Variants in CCNY observed in about 807,000 individuals in gnomAD.
CCNY encodes cyclin-Y.
In CCNY, 19 loss-of-function variants were observed where a neutral mutation model predicts 42.8. The observed-to-expected ratio is 0.44, with a 90% confidence interval of 0.31 to 0.65. CCNY has a LOEUF of 0.65. Ranked by LOEUF, CCNY falls within the 30% of genes least tolerant of loss-of-function variation. The pLI, the probability that CCNY is intolerant of heterozygous loss-of-function variation, is 0.07. For missense variants in CCNY, 370 were observed against 437.3 expected (o/e 0.85, Z 1.37); for synonymous variants, 165 against 162.7 (o/e 1.01, Z -0.11).
intron 3 of CCNY, among the ~76,000 whole-genome samples, chr10:35,309,116 G>C (rs1046173317): frequency 5.3e-5 from 8 of 152,200 alleles, no homozygotes; most frequent in Non-Finnish European, 1.0e-4. Context: ...AAAGATTTGA[G>C]AATCAGCCAT....
chr10:35,333,982 C>T (rs2295417), upstream of CCNY, among the ~76,000 whole-genome samples: 43,238 of 146,770 alleles, frequency 0.29, 6,476 homozygotes, highest in Admixed American at 0.37. Flanking sequence ...AAATTAAAGT[C>T]CAAACAGGTA....
chr10:35,406,241 A>AT (rs1554785130), intron 1 of CCNY, among the ~76,000 whole-genome samples: 1 of 96,616 alleles, frequency 1.0e-5, no homozygotes, highest in Non-Finnish European at 2.2e-5. Context: ...TTATTTATTT[A>AT]TTTTTTTATT....
At chr10:35,445,474 G>A (rs976025242) in intron 1 of CCNY, among the ~76,000 whole-genome samples, 19 of 152,200 alleles carry the variant, frequency 1.2e-4, no homozygotes, top group Non-Finnish European at 1.9e-4. Context: ...AGTGGAGTCC[G>A]CATTTCTGCC....
intron 1 of CCNY, among the ~76,000 whole-genome samples, chr10:35,477,548 C>A (rs1469927036): frequency 6.6e-6 from 1 of 152,008 alleles, no homozygotes; most frequent in Non-Finnish European, 1.5e-5. Flanking sequence ...ACGTGATTAT[C>A]TCAATAGATG....
chr10:35,279,856 T>C (rs1477971058), intron 3 of CCNY, among the ~76,000 whole-genome samples: 4 of 152,110 alleles, frequency 2.6e-5, no homozygotes, highest in Non-Finnish European at 5.9e-5. Context: ...CACATAGAGG[T>C]CTTTAGCTAA....
chr10:35,254,726 G>T (rs1305857620), intron 3 of CCNY, among the ~76,000 whole-genome samples: 1 of 151,124 alleles, frequency 6.6e-6, no homozygotes, highest in Non-Finnish European at 1.5e-5. Flanking sequence ...TACTCGGGAG[G>T]TTGATGTGGG....
At chr10:35,282,446 G>A (rs1835308576) in intron 3 of CCNY, among the ~76,000 whole-genome samples, 1 of 151,802 alleles carries the variant, frequency 6.6e-6, no homozygotes, top group Non-Finnish European at 1.5e-5. Flanking sequence ...AATCTGAACA[G>A]GCCAGGCACG....
intron 3 of CCNY, among the ~76,000 whole-genome samples, chr10:35,284,394 C>T (rs866113330): frequency 6.6e-6 from 1 of 152,118 alleles, no homozygotes; most frequent in East Asian, 1.9e-4. Flanking sequence ...TTCCTCCTGC[C>T]GTGCCTGAAG....
At chr10:35,473,964 C>T (rs574353605) in intron 1 of CCNY, among the ~76,000 whole-genome samples, 5 of 152,246 alleles carry the variant, frequency 3.3e-5, no homozygotes, top group Admixed American at 6.5e-5. Context: ...CGAAGCAGGG[C>T]GAGGCATTGC....
At position 35,509,648 on chromosome 10, in the gene CCNY, T is replaced by A. The variant is rs535826256; in HGVS notation, c.265-6875T>A. Among the ~76,000 whole-genome samples the A allele has an allele frequency of 2.0e-5, 3 of 152,304 alleles. No homozygotes were observed. The South Asian group carries it at 6.2e-4, about 32-fold the overall frequency. On this transcript the variant is annotated intron_variant, in intron 3 of 9. Coordinates refer to ENST00000374704, the MANE Select transcript of CCNY (RefSeq NM_145012.6). ...AGGTCAGAGAGGAAGATTTTTTTCT[T>A]ATTTTGCTTTTTGTCTTTGTGTCTC...
At chr10:35,469,101 C>G (rs1455931529) in intron 1 of CCNY, among the ~76,000 whole-genome samples, 1 of 152,228 alleles carries the variant, frequency 6.6e-6, no homozygotes, top group Non-Finnish European at 1.5e-5. Flanking sequence ...TGCCAGATCA[C>G]TGGTGTGAAC....
intron 1 of CCNY, among the ~76,000 whole-genome samples, chr10:35,368,746 C>A (rs144668000): frequency 6.6e-6 from 1 of 152,174 alleles, no homozygotes; most frequent in African/African-American, 2.4e-5. Flanking sequence ...GAGTGCCCTT[C>A]CAACTTGGGA....
intron 1 of CCNY, among the ~76,000 whole-genome samples, chr10:35,344,750 G>A (rs1019326322): frequency 6.6e-6 from 1 of 151,378 alleles, no homozygotes; most frequent in African/African-American, 2.4e-5. Flanking sequence ...AACAGGCCCC[G>A]GTGTGTGATG....
At chr10:35,440,715 A>AGGAC (rs2135294839) in intron 1 of CCNY, among the ~76,000 whole-genome samples, 1 of 152,344 alleles carries the variant, frequency 6.6e-6, no homozygotes, top group South Asian at 2.1e-4. Context: ...GGCAGCAGAA[A>AGGAC]GGACGGAGCC....
intron 1 of CCNY, among the ~76,000 whole-genome samples, chr10:35,448,954 T>G (rs1375636173): frequency 6.6e-6 from 1 of 152,004 alleles, no homozygotes; most frequent in East Asian, 1.9e-4. Flanking sequence ...GGGGATTTGC[T>G]GGTTGGCTGC....
At chr10:35,407,482 A>AC (rs1837805641) in intron 1 of CCNY, among the ~76,000 whole-genome samples, 1 of 152,150 alleles carries the variant, frequency 6.6e-6, no homozygotes, top group Non-Finnish European at 1.5e-5. Flanking sequence ...CAGTGTGTAA[A>AC]AGAATGCCTG....
intron 2 of CCNY, among the ~76,000 whole-genome samples, chr10:35,483,965 A>C (rs1341451961): frequency 6.6e-6 from 1 of 152,198 alleles, no homozygotes; most frequent in Non-Finnish European, 1.5e-5. Flanking sequence ...TAATAATAAC[A>C]ACCATATCTA....
chr10:35,428,746 G>A (rs1176298411), intron 1 of CCNY, among the ~76,000 whole-genome samples: 1 of 152,034 alleles, frequency 6.6e-6, no homozygotes, highest in Non-Finnish European at 1.5e-5. Flanking sequence ...GAAGTGATGT[G>A]TTTGAGAGAG....
chr10:35,457,484 C>T (rs1368750838), intron 1 of CCNY, among the ~76,000 whole-genome samples: 3 of 152,152 alleles, frequency 2.0e-5, no homozygotes, highest in African/African-American at 7.2e-5. Context: ...ATGCACCTTA[C>T]TTGAAATCAG....
Sources: gnomAD v4.1 joint callset for allele counts (sites outside exome capture counted in the v4.1 genomes callset) on GRCh38, gnomAD v4.1.1 for gene constraint, MANE v1.5 for transcripts, NCBI Gene and HGNC (gene_info 2026-07-23, HGNC 2026-07-21) for gene names.